Variants in CPVL observed in about 807,000 individuals in gnomAD.
CPVL encodes probable serine carboxypeptidase CPVL.
In CPVL, 51 loss-of-function variants were observed where a neutral mutation model predicts 63.7. That is an observed-to-expected ratio of 0.80 (90% confidence interval 0.64 to 1.01). The LOEUF is 1.01. CPVL is among the 50% of genes least tolerant of loss of function. The pLI, the probability that CPVL is intolerant of heterozygous loss-of-function variation, is 0.00. For missense variants in CPVL, 530 were observed against 573.1 expected, an observed-to-expected ratio of 0.92 and a Z score of 0.77; for synonymous variants, 195 against 206.0, an observed-to-expected ratio of 0.95 and a Z score of 0.46.
upstream of CPVL, among the ~76,000 whole-genome samples, chr7:29,148,219 G>A (rs1793045342): frequency 6.6e-6 from 1 of 152,194 alleles, no homozygotes; most frequent in Non-Finnish European, 1.5e-5. Flanking sequence ...CCCTGGACAA[G>A]GGCTCCTTGG....
At position 29,137,274 on chromosome 7, in the gene CPVL, T is replaced by C. The variant is rs531050888; in HGVS notation, c.-11+9155A>G. Among the ~76,000 whole-genome samples the C allele has an allele frequency of 2.0e-5, 3 of 152,270 alleles. No homozygotes were observed. In the South Asian group the frequency reaches 6.2e-4, roughly 32 times the overall value. On this transcript the variant is annotated intron_variant, in intron 1 of 12. Coordinates refer to ENST00000265394, the MANE Select transcript of CPVL (RefSeq NM_031311.5). ...TTCTCTCTCTTGCAAGAGAGGGGCA[T>C]CTGAATGGGAAATCTGGCCCTCCGT...
intron 5 of CPVL, among the ~76,000 whole-genome samples, chr7:29,172,450 C>T (rs914884097): frequency 6.6e-6 from 1 of 152,084 alleles, no homozygotes; most frequent in Non-Finnish European, 1.5e-5. Flanking sequence ...CATCATATTG[C>T]CACCCATTTA....
chr7:29,086,608 T>C, intron 6 of CPVL, 58 bp from the exon 7 acceptor site: 1 of 1,240,612 alleles, frequency 8.1e-7, no homozygotes, highest in South Asian at 1.2e-5. Flanking sequence ...TCAGGATCTC[T>C]TCATGCTAGG....
chr7:29,084,201 C>G (rs937243824), intron 7 of CPVL, among the ~76,000 whole-genome samples: 3 of 152,210 alleles, frequency 2.0e-5, no homozygotes, highest in African/African-American at 7.2e-5. Flanking sequence ...AACTCTGCCA[C>G]AGGCAGCCGG....
chr7:29,144,192 C>A (rs1332500423), intron 1 of CPVL, among the ~76,000 whole-genome samples: 1 of 152,166 alleles, frequency 6.6e-6, no homozygotes, highest in African/African-American at 2.4e-5. Context: ...ATGAAAATCT[C>A]ACATTATAAA....
chr7:29,036,832 G>A (rs150906142), intron 11 of CPVL, among the ~76,000 whole-genome samples: 1 of 152,226 alleles, frequency 6.6e-6, no homozygotes, highest in East Asian at 1.9e-4. Flanking sequence ...ACTGTGCTAA[G>A]CATTTTACAG....
At chr7:29,117,593 G>C (rs1046234298) in intron 2 of CPVL, among the ~76,000 whole-genome samples, 1 of 152,126 alleles carries the variant, frequency 6.6e-6, no homozygotes, top group South Asian at 2.1e-4. Flanking sequence ...TAGCATAGTG[G>C]TTCATACCAT....
chr7:29,026,298 A>G (rs948714319), intron 12 of CPVL, among the ~76,000 whole-genome samples: 3 of 152,104 alleles, frequency 2.0e-5, no homozygotes, highest in South Asian at 2.1e-4. Context: ...AAATACCAAA[A>G]CCTATAGGAT....
chr7:29,123,224 G>C (rs1789552131), intron 1 of CPVL, among the ~76,000 whole-genome samples: 1 of 152,012 alleles, frequency 6.6e-6, no homozygotes, highest in Non-Finnish European at 1.5e-5. Context: ...ATTGGTTATA[G>C]CAAATTTTAA....
chr7:29,057,305 G>T lies in CPVL; in HGVS notation c.1137+6756C>A, dbSNP rs561834849. On this transcript the variant is annotated intron_variant, in intron 11 of 12. Transcript: ENST00000265394. ...ACCATCTGTATATTTTCACTGGTGA[G>T]GTGCCCAGGTCTTTTTCCCATTTCT... Among the ~76,000 whole-genome samples, 3 of 152,088 alleles carry T rather than the reference G, an allele frequency of 2.0e-5. No homozygotes were observed. In the East Asian group the frequency reaches 5.8e-4, roughly 29 times the overall value.
intron 11 of CPVL, among the ~76,000 whole-genome samples, chr7:29,052,413 G>C (rs1245840176): frequency 1.6e-5 from 2 of 124,396 alleles, no homozygotes; most frequent in African/African-American, 3.1e-5. Flanking sequence ...TTTTTAACTT[G>C]ACTAAAATGA....
At chr7:29,160,877 T>G (rs930096462) in intron 5 of CPVL, among the ~76,000 whole-genome samples, 1 of 152,194 alleles carries the variant, frequency 6.6e-6, no homozygotes, top group Non-Finnish European at 1.5e-5. Context: ...GTTGATAGTC[T>G]TTTCTATTTT....
chr7:29,164,904 G>T (rs1454720363), intron 5 of CPVL, among the ~76,000 whole-genome samples: 2 of 150,380 alleles, frequency 1.3e-5, no homozygotes, highest in Non-Finnish European at 2.9e-5. Context: ...ATTGATCTTT[G>T]TATATCTATC....
At chr7:29,151,622 C>T (rs534270002) in intron 5 of CPVL, among the ~76,000 whole-genome samples, 6 of 152,226 alleles carry the variant, frequency 3.9e-5, no homozygotes, top group South Asian at 2.1e-4. Context: ...ATCAGCCCTG[C>T]GAGGTATATA....
chr7:29,147,568 A>G (rs1169043109), upstream of CPVL, among the ~76,000 whole-genome samples: 3 of 152,230 alleles, frequency 2.0e-5, no homozygotes, highest in Non-Finnish European at 4.4e-5. Context: ...GTGAGGACTC[A>G]CTGAAAAACT....
intron 2 of CPVL, among the ~76,000 whole-genome samples, chr7:29,116,814 T>C (rs1278189420): frequency 2.0e-5 from 3 of 152,228 alleles, no homozygotes; most frequent in Non-Finnish European, 4.4e-5. Context: ...AAACATGCAA[T>C]TACAATTACA....
At chr7:29,119,991 A>C (rs1001443746) in intron 2 of CPVL, among the ~76,000 whole-genome samples, 13 of 152,240 alleles carry the variant, frequency 8.5e-5, no homozygotes, top group African/African-American at 2.7e-4. Flanking sequence ...TAGTATTAGC[A>C]TTAAGTGACC....
At chr7:29,034,077 T>G (rs1332700483) in intron 11 of CPVL, among the ~76,000 whole-genome samples, 1 of 152,198 alleles carries the variant, frequency 6.6e-6, no homozygotes, top group Non-Finnish European at 1.5e-5. Context: ...TGTTTTGTTT[T>G]GTTTTTGGCA....
intron 5 of CPVL, among the ~76,000 whole-genome samples, chr7:29,162,591 G>A (rs1354487004): frequency 6.6e-6 from 1 of 151,554 alleles, no homozygotes; most frequent in Non-Finnish European, 1.5e-5. Context: ...AACCCGGAAG[G>A]CGGAAGTTGC....
Sources: gnomAD v4.1 joint callset for allele counts (sites outside exome capture counted in the v4.1 genomes callset) on GRCh38, gnomAD v4.1.1 for gene constraint, MANE v1.5 for transcripts, NCBI Gene and HGNC (gene_info 2026-07-23, HGNC 2026-07-21) for gene names.